The following ST3GAL6 variants were observed in gnomAD, a reference collection of about 807,000 sequenced individuals.
ST3GAL6 encodes ST3 beta-galactoside alpha-2,3-sialyltransferase 6.
Under a neutral mutation model 40.5 loss-of-function variants are expected in ST3GAL6, and 31 were observed. That is an observed-to-expected ratio of 0.77 (90% CI 0.58 to 1.03). The LOEUF is 1.03. Ranked by LOEUF, ST3GAL6 falls within the 50% of genes least tolerant of loss-of-function variation. The probability of loss-of-function intolerance (pLI) is 0.00; values close to 1 mark genes in which losing one functional copy is unlikely to be tolerated. For missense variants in ST3GAL6, 357 were observed against 393.2 expected, an observed-to-expected ratio of 0.91 and a Z score of 0.78; for synonymous variants, 129 against 136.9, an observed-to-expected ratio of 0.94 and a Z score of 0.40.
intron 5 of ST3GAL6, among the ~76,000 whole-genome samples, chr3:98,781,586 G>T (rs1230259078): frequency 6.6e-6 from 1 of 152,054 alleles, no homozygotes; most frequent in Non-Finnish European, 1.5e-5. Flanking sequence ...GTGGTATGCT[G>T]GTGGCTTGTT....
At chr3:98,744,398 G>T (rs905658411) in intron 1 of ST3GAL6, among the ~76,000 whole-genome samples, 1 of 152,104 alleles carries the variant, frequency 6.6e-6, no homozygotes, top group Non-Finnish European at 1.5e-5. Flanking sequence ...CTTGAAGATG[G>T]TCCAACTGAG....
At position 98,795,082 on chromosome 3, in the gene ST3GAL6, C is replaced by A. The variant is rs1323598669; in HGVS notation, c.*1321C>A. The A allele has an allele frequency of 1.3e-5, 2 of 152,094 alleles. No individual in the cohort carries two copies. Among genetic ancestry groups the A allele is most frequent in the Non-Finnish European group, 2.9e-5 (2 of 68,028 alleles). The allele number at this position is 152,094 out of a possible 1,614,324, so 9.4% of individuals were successfully genotyped here. On this transcript the variant is annotated 3_prime_UTR_variant, in exon 10 of 10. Coordinates refer to ENST00000483910, the MANE Select transcript of ST3GAL6 (RefSeq NM_001323368.2). The stretch of plus-strand genomic sequence containing the variant: ...CAAATGTGGTGAGCTAGTCTTCCTT[C>A]CTATATTTTAATAAATGTAACCAAA...
intron 5 of ST3GAL6, among the ~76,000 whole-genome samples, chr3:98,776,307 TG>T (rs1478129840): frequency 1.3e-5 from 2 of 152,246 alleles, no homozygotes; most frequent in African/African-American, 2.4e-5. Context: ...GCCTGAATGC[TG>T]CCTCTGAGTC....
chr3:98,758,309 AC>A (rs1422814056), intron 1 of ST3GAL6, among the ~76,000 whole-genome samples: 1 of 152,180 alleles, frequency 6.6e-6, no homozygotes, highest in African/African-American at 2.4e-5. Context: ...ATCCTTCTCA[AC>A]ATTATAATGG....
intron 6 of ST3GAL6, 31 bp downstream of exon 6, chr3:98,785,071 A>G (rs1940565705): frequency 1.4e-6 from 2 of 1,462,926 alleles, no homozygotes; most frequent in Non-Finnish European, 1.9e-6. Flanking sequence ...CTACCCTAGA[A>G]TTGTTTCAAA....
At chr3:98,772,995 G>C (rs974520666) in intron 4 of ST3GAL6, 79 bp downstream of exon 4, 1 of 861,302 alleles carries the variant, frequency 1.2e-6, no homozygotes, top group East Asian at 2.5e-5. Context: ...ATAATTTTAA[G>C]GGCTTTTATT....
chr3:98,785,505 A>G (rs1273111338), intron 6 of ST3GAL6, among the ~76,000 whole-genome samples: 3 of 152,210 alleles, frequency 2.0e-5, no homozygotes, highest in African/African-American at 7.2e-5. Flanking sequence ...TCCAGGCAGA[A>G]AGGATGTTTG....
chr3:98,782,274 C>A (rs1940205911), intron 5 of ST3GAL6: 1 of 703,454 alleles, frequency 1.4e-6, no homozygotes, highest in Non-Finnish European at 2.6e-6. Flanking sequence ...AGCTTCTCAG[C>A]TGTTTTCCCA....
chr3:98,737,095 C>T (rs977262593), intron 1 of ST3GAL6, among the ~76,000 whole-genome samples: 2 of 152,150 alleles, frequency 1.3e-5, no homozygotes, highest in African/African-American at 4.8e-5. Context: ...GTCACCCAGG[C>T]TGGAGTGCAG....
chr3:98,778,885 G>A lies in ST3GAL6; in HGVS notation c.335+4902G>A, dbSNP rs147864431. The stretch of plus-strand genomic sequence containing the variant: ...GGACATTTATTATCTCCTGTATTGC[G>A]TAGACATGTGGATTCAGGTCTGCAT... On this transcript the variant is annotated intron_variant, in intron 5 of 9. Transcript: ENST00000483910. Among the ~76,000 whole-genome samples the A allele has an allele frequency of 3.5e-3, 532 of 152,336 alleles. 5 individuals are homozygous for A. The highest frequency in any genetic ancestry group is 9.2e-3 in the African/African-American group (382 of 41,566).
chr3:98,792,126 A>G, intron 9 of ST3GAL6, 133 bp downstream of exon 9: 1 of 790,288 alleles, frequency 1.3e-6, no homozygotes, highest in African/African-American at 1.8e-5. Context: ...CTTGATGGTG[A>G]TTACAGGGCT....
chr3:98,733,974 C>CTCA (rs201955984), intron 1 of ST3GAL6, among the ~76,000 whole-genome samples: 2,969 of 152,226 alleles, frequency 0.02, 48 homozygotes, highest in Non-Finnish European at 0.033. Flanking sequence ...CTTACGAGGA[C>CTCA]CAGCTGGGTG....
At chr3:98,769,347 C>A (rs551295336) in intron 2 of ST3GAL6, among the ~76,000 whole-genome samples, 8 of 152,186 alleles carry the variant, frequency 5.3e-5, no homozygotes, top group Non-Finnish European at 1.0e-4. Flanking sequence ...AAACCCAATG[C>A]CAGGTGGATA....
intron 1 of ST3GAL6, among the ~76,000 whole-genome samples, chr3:98,750,563 CTT>C (rs34993293): frequency 2.7e-4 from 38 of 142,986 alleles, no homozygotes; most frequent in Non-Finnish European, 2.9e-4. Context: ...CACTGGCATT[CTT>C]TTTTTTTTTT....
At chr3:98,789,111 T>A (rs1424110542) in intron 8 of ST3GAL6, among the ~76,000 whole-genome samples, 1 of 152,248 alleles carries the variant, frequency 6.6e-6, no homozygotes, top group Non-Finnish European at 1.5e-5. Context: ...AGATATTTTT[T>A]ACTGGAAGCT....
At chr3:98,773,174 A>G (rs1230666727) in intron 4 of ST3GAL6, 4 of 227,832 alleles carry the variant, frequency 1.8e-5, no homozygotes, top group Non-Finnish European at 3.4e-5. Flanking sequence ...CTCTGCCGCC[A>G]TGTGATCCAT....
intron 1 of ST3GAL6, among the ~76,000 whole-genome samples, chr3:98,733,805 G>A (rs1232717052): frequency 6.6e-6 from 1 of 152,166 alleles, no homozygotes; most frequent in Non-Finnish European, 1.5e-5. Flanking sequence ...TCAGTAGCGA[G>A]GGTTGGCGGG....
chr3:98,772,835 C>G lies in ST3GAL6; in HGVS notation c.190C>G (p.Leu64Val). Reference protein sequence around the residue: ...LLRFHQFHPFLCAADFRKIAS... With the variant: ...LLRFHQFHPFVCAADFRKIAS... ...CAGGTTTCATCAGTTTCACCCTTTTCTGTGTGCGGCTGATTTTAGAAAGAT... is the reference window on the plus strand; with the variant it reads ...CAGGTTTCATCAGTTTCACCCTTTTGTGTGTGCGGCTGATTTTAGAAAGAT... Residue 64 changes from leucine to valine, a missense_variant, in exon 4 of 10, where the codon CTG becomes GTG. Leu to Val is a conservative substitution (Grantham distance 32). Coordinates refer to ENST00000483910, the MANE Select transcript of ST3GAL6 (RefSeq NM_001323368.2). 6.2e-7 allele frequency: 1 copy of G among 1,613,218 alleles called. No individual in the cohort carries two copies. The highest frequency in any genetic ancestry group is 8.5e-7 in the Non-Finnish European group (1 of 1,179,396).
intron 6 of ST3GAL6, among the ~76,000 whole-genome samples, chr3:98,787,137 A>G (rs1288179777): frequency 6.6e-6 from 1 of 152,092 alleles, no homozygotes; most frequent in Non-Finnish European, 1.5e-5. Context: ...TTTACTATCC[A>G]TTTTGAGGAA....
Sources: gnomAD v4.1 joint callset for allele counts (sites outside exome capture counted in the v4.1 genomes callset) on GRCh38, gnomAD v4.1.1 for gene constraint, MANE v1.5 for transcripts, NCBI Gene and HGNC (gene_info 2026-07-23, HGNC 2026-07-21) for gene names.